Variants in DPYSL2 observed in about 807,000 individuals in gnomAD.
DPYSL2 encodes dihydropyrimidinase like 2.
In DPYSL2, 13 loss-of-function variants were observed where a neutral mutation model predicts 69.9. The ratio of observed to expected loss-of-function variants is 0.19; its 90% CI spans 0.12 to 0.30. DPYSL2 has a LOEUF of 0.30. Among genes scored for constraint, DPYSL2 ranks in the 10% least tolerant of loss-of-function variants. The probability of loss-of-function intolerance (pLI) is 1.00; values close to 1 mark genes in which losing one functional copy is unlikely to be tolerated. For missense variants in DPYSL2, 587 were observed against 918.9 expected (o/e 0.64, Z 4.67); for synonymous variants, 326 against 359.1 (o/e 0.91, Z 1.04).
chr8:26,622,004 C>T (rs1802491479), intron 3 of DPYSL2, among the ~76,000 whole-genome samples: 1 of 152,108 alleles, frequency 6.6e-6, no homozygotes, highest in Non-Finnish European at 1.5e-5. Context: ...GAGATGAAGC[C>T]AGGGGAGTGG....
At chr8:26,601,897 A>T (rs1330903195) in intron 3 of DPYSL2, among the ~76,000 whole-genome samples, 1 of 152,248 alleles carries the variant, frequency 6.6e-6, no homozygotes, top group Non-Finnish European at 1.5e-5. Flanking sequence ...GAAAGCAGGG[A>T]TATTGAGGCA....
intron 1 of DPYSL2, among the ~76,000 whole-genome samples, chr8:26,526,442 G>A (rs1585489169): frequency 6.6e-6 from 1 of 152,106 alleles, no homozygotes; most frequent in South Asian, 2.1e-4. Context: ...ACTCACTCTT[G>A]GTTCTAATAG....
intron 3 of DPYSL2, among the ~76,000 whole-genome samples, chr8:26,623,327 A>T (rs1296652294): frequency 1.3e-5 from 2 of 152,218 alleles, no homozygotes; most frequent in African/African-American, 4.8e-5. Context: ...GAGCAGGGGG[A>T]AGTCATTGGA....
chr8:26,515,173 T>G (rs1349215916), intron 1 of DPYSL2, among the ~76,000 whole-genome samples: 3 of 152,176 alleles, frequency 2.0e-5, no homozygotes, highest in East Asian at 1.9e-4. Flanking sequence ...CCGCGCCTTC[T>G]GCGCTCACGT....
intron 1 of DPYSL2, among the ~76,000 whole-genome samples, chr8:26,556,968 T>C (rs988020277): frequency 1.3e-5 from 2 of 152,156 alleles, no homozygotes; most frequent in Admixed American, 1.3e-4. Flanking sequence ...GACAATTCAG[T>C]GTTGAAAATA....
rs1478952816 is a variant in DPYSL2 at position 26,517,739 on chromosome 8, G to C, written c.354+3060G>C. On this transcript the variant is annotated intron_variant, in intron 1 of 13. Coordinates refer to ENST00000521913, the MANE Select transcript of DPYSL2 (RefSeq NM_001197293.3). The surrounding 1 kb of genome is among the most constrained non-coding windows in gnomAD (Gnocchi z 4.2). ...TCCCAGCAGCAAACAACCTATGCAG[G>C]CTGGAGTGACAGGGAGTGATTCTCC... Among the ~76,000 whole-genome samples the C allele has an allele frequency of 6.6e-6, 1 of 152,226 alleles. No individual in the cohort carries two copies. The highest frequency in any genetic ancestry group is 2.4e-5 in the African/African-American group (1 of 41,458).
At position 26,653,020 on chromosome 8, in the gene DPYSL2, T is replaced by A. The variant is rs1210391412; in HGVS notation, c.1777-212T>A. ...CTTGGGGGAAAAATTGTAAGGTGTG[T>A]TAGTTTTTGTAGAGTTAACCAGTTA... On this transcript the variant is annotated intron_variant, in intron 12 of 13. Transcript: ENST00000521913. The surrounding 1 kb of genome is among the most constrained non-coding windows in gnomAD (Gnocchi z 5.7). Among the ~76,000 whole-genome samples, 2 of 152,094 alleles carry A rather than the reference T, an allele frequency of 1.3e-5. No individual in the cohort carries two copies. Among genetic ancestry groups the A allele is most frequent in the South Asian group, 2.1e-4 (1 of 4,836 alleles).
In DPYSL2 at chr8:26,614,035, T is replaced by G. The variant is rs1802294275; in HGVS notation, c.629-10108T>G. ...GTCCCAGCTACTCGGGAGGTTGAGG[T>G]GGGAGGATCGCTTGAGTCCTGGAAA... On this transcript the variant is annotated intron_variant, in intron 3 of 13. Coordinates refer to ENST00000521913, the MANE Select transcript of DPYSL2 (RefSeq NM_001197293.3). This position sits in a 1 kb window ranked among gnomAD's most constrained non-coding sequence, Gnocchi z 4.9. 6.6e-6 allele frequency among the ~76,000 whole-genome samples: 1 copy of G among 151,884 alleles called. No homozygotes were observed. The highest frequency in any genetic ancestry group is 6.6e-5 in the Admixed American group (1 of 15,242).
chr8:26,522,608 G>A (rs1293306920), intron 1 of DPYSL2, among the ~76,000 whole-genome samples: 1 of 152,164 alleles, frequency 6.6e-6, no homozygotes, highest in Non-Finnish European at 1.5e-5. Flanking sequence ...ATAATGTTGA[G>A]CATCTTTTCT....
Position 26,626,034 on chromosome 8 carries a change from T to C in DPYSL2, c.794-583T>C, listed in dbSNP as rs1003994155. 2.0e-5 allele frequency among the ~76,000 whole-genome samples: 3 copies of C among 152,234 alleles called. No individual in the cohort carries two copies. The highest frequency in any genetic ancestry group is 4.8e-5 in the African/African-American group (2 of 41,468). The stretch of plus-strand genomic sequence containing the variant: ...GTCCCTGGCAACTGCTGTTGTACTT[T>C]CTGTCTGTGAAATTGACTTCTAGGG... On this transcript the variant is annotated intron_variant, in intron 4 of 13. Transcript: ENST00000521913. This position sits in a 1 kb window ranked among gnomAD's most constrained non-coding sequence, Gnocchi z 4.3.
At chr8:26,577,211 T>TC (rs565433334) in intron 1 of DPYSL2, 23 of 426,242 alleles carry the variant, frequency 5.4e-5, no homozygotes, top group African/African-American at 4.3e-4. Context: ...CTCTGCAGCC[T>TC]CCCCCCGGCC....
rs943261359 is a variant in DPYSL2 at position 26,643,798 on chromosome 8, A to G, written c.1284-152A>G. 4 of 1,248,270 alleles carry G rather than the reference A, an allele frequency of 3.2e-6. No homozygotes were observed. The highest frequency in any genetic ancestry group is 2.4e-5 in the Admixed American group (1 of 41,106). The allele number at this position is 1,248,270 out of a possible 1,614,324, so 77.3% of individuals were successfully genotyped here. The stretch of plus-strand genomic sequence containing the variant: ...GGGATTCTGGATAAAAACCTGGGCC[A>G]TGTTGAAAGTCAAGCCAAGAAGGGA... On this transcript the variant is annotated intron_variant, in intron 9 of 13. Transcript: ENST00000521913. The surrounding 1 kb of genome is among the most constrained non-coding windows in gnomAD (Gnocchi z 6.5).
intron 1 of DPYSL2, among the ~76,000 whole-genome samples, chr8:26,532,623 A>G (rs901854101): frequency 6.6e-6 from 1 of 152,132 alleles, no homozygotes; most frequent in African/African-American, 2.4e-5. Context: ...AACATATACT[A>G]TGTGGTCTTT....
chr8:26,549,949 G>C (rs1334190063), intron 1 of DPYSL2, among the ~76,000 whole-genome samples: 2 of 152,104 alleles, frequency 1.3e-5, no homozygotes, highest in Non-Finnish European at 2.9e-5. Flanking sequence ...GACATAAAAA[G>C]AGAGTTGGAT....
chr8:26,537,634 A>ACACACACAC (rs1554533026), intron 1 of DPYSL2, among the ~76,000 whole-genome samples: 1 of 150,582 alleles, frequency 6.6e-6, no homozygotes, highest in Non-Finnish European at 1.5e-5. Flanking sequence ...ACACACACAC[A>ACACACACAC]ACTGTATATT....
intron 7 of DPYSL2, among the ~76,000 whole-genome samples, chr8:26,632,514 C>T (rs1802801632): frequency 6.6e-6 from 1 of 152,202 alleles, no homozygotes; most frequent in South Asian, 2.1e-4. Context: ...TGTCCCTGGA[C>T]AGGTCATTTC....
At chr8:26,622,135 TTC>T (rs1563413290) in intron 3 of DPYSL2, among the ~76,000 whole-genome samples, 3 of 54,234 alleles carry the variant, frequency 5.5e-5, no homozygotes, top group Non-Finnish European at 1.3e-4. Flanking sequence ...CCTTCCTTCC[TTC>T]CTTCCTTCCT....
rs1459266183 is a variant in DPYSL2, at chr8:26,517,343, C to T, written c.354+2664C>T. 6.6e-6 allele frequency among the ~76,000 whole-genome samples: 1 copy of T among 152,190 alleles called. No homozygotes were observed. The highest frequency in any genetic ancestry group is 1.5e-5 in the Non-Finnish European group (1 of 68,036). ...TATATTCAGAGTATGAGCCAGACAG[C>T]ACCAGAAAGCGATGGGTGTGGCTTG... On this transcript the variant is annotated intron_variant, in intron 1 of 13. Coordinates refer to ENST00000521913, the MANE Select transcript of DPYSL2 (RefSeq NM_001197293.3). The surrounding 1 kb of genome is among the most constrained non-coding windows in gnomAD (Gnocchi z 4.2).
rs978616529 is a variant in DPYSL2, at chr8:26,532,183, G to T, written c.354+17504G>T. Among the ~76,000 whole-genome samples, 4 of 152,264 alleles carry T rather than the reference G, an allele frequency of 2.6e-5. No homozygotes were observed. In the East Asian group the frequency reaches 7.7e-4, roughly 29 times the overall value. On this transcript the variant is annotated intron_variant, in intron 1 of 13. Transcript: ENST00000521913. ...GAGGAGGACACAGTTGCTGGAGGAT[G>T]ATCAGGGCTTTCTCTTGTGGCAGGG...
Sources: gnomAD v4.1 joint callset for allele counts (sites outside exome capture counted in the v4.1 genomes callset) on GRCh38, gnomAD v4.1.1 for gene constraint, Gnocchi (gnomAD v3.1) non-coding constraint, MANE v1.5 for transcripts, NCBI Gene and HGNC (gene_info 2026-07-23, HGNC 2026-07-21) for gene names.